GALNT17: variants seen among roughly 807,000 people sequenced by gnomAD.
GALNT17 encodes UDP-GalNAc:polypeptide N-acetylgalactosaminyltransferase-like 3.
In GALNT17, 29 loss-of-function variants were observed where a neutral mutation model predicts 63.7. The observed-to-expected ratio is 0.46, with a 90% CI of 0.34 to 0.62. The LOEUF is 0.62. Among genes scored for constraint, GALNT17 ranks in the 20% least tolerant of loss-of-function variants. The probability of loss-of-function intolerance (pLI) is 0.01; values close to 1 mark genes in which losing one functional copy is unlikely to be tolerated. For synonymous variants in GALNT17, 305 were observed against 318.3 expected, an observed-to-expected ratio of 0.96 and a Z score of 0.45; for missense variants, 603 against 799.6, an observed-to-expected ratio of 0.75 and a Z score of 2.97.
chr7:71,300,711 C>A (rs1791180179), intron 1 of GALNT17: 1 of 256,040 alleles, frequency 3.9e-6, no homozygotes, highest in Non-Finnish European at 7.8e-6. Flanking sequence ...AAAGGGATTT[C>A]CAGAATTCTA....
chr7:71,160,202 T>C (rs1788316436), intron 1 of GALNT17, among the ~76,000 whole-genome samples: 1 of 152,210 alleles, frequency 6.6e-6, no homozygotes, highest in Non-Finnish European at 1.5e-5. Context: ...TTTTGCTTCT[T>C]TTTATCCTGT....
chr7:71,319,971 C>A (rs1791574905), intron 1 of GALNT17, among the ~76,000 whole-genome samples: 1 of 152,146 alleles, frequency 6.6e-6, no homozygotes, highest in Non-Finnish European at 1.5e-5. Context: ...AGCAGCAATG[C>A]AAGCTCATTT....
At chr7:71,326,415 C>A (rs563890198) in intron 1 of GALNT17, among the ~76,000 whole-genome samples, 1 of 152,110 alleles carries the variant, frequency 6.6e-6, no homozygotes, top group Non-Finnish European at 1.5e-5. Context: ...GGTAAGATCA[C>A]CCCCACTACA....
intron 5 of GALNT17, among the ~76,000 whole-genome samples, chr7:71,522,084 C>T (rs1210807401): frequency 1.3e-5 from 2 of 152,058 alleles, no homozygotes; most frequent in African/African-American, 4.8e-5. Context: ...CCTAATGTTC[C>T]ATCTAATGCT....
intron 1 of GALNT17, among the ~76,000 whole-genome samples, chr7:71,285,415 G>A (rs546513147): frequency 1.8e-4 from 27 of 152,290 alleles, no homozygotes; most frequent in Admixed American, 1.4e-3. Flanking sequence ...TAGGATTGTT[G>A]TAAAATCTGG....
At chr7:71,537,699 G>A (rs899006453) in intron 5 of GALNT17, among the ~76,000 whole-genome samples, 1 of 152,156 alleles carries the variant, frequency 6.6e-6, no homozygotes, top group African/African-American at 2.4e-5. Flanking sequence ...TGTAGTCCCA[G>A]CTGCTCAGGA....
Position 71,677,301 on chromosome 7 carries a change from C to A in GALNT17, c.1495C>A (p.Pro499Thr). The A allele has an allele frequency of 6.2e-7, 1 of 1,613,638 alleles. No individual in the cohort carries two copies. The highest frequency in any genetic ancestry group is 8.5e-7 in the Non-Finnish European group (1 of 1,179,764). ...ATTGTATCCGTGCCATGGCTGGGGACCACAGGTAGGAGCTCGTCTCTGACC... is the reference window on the plus strand; with the variant it reads ...ATTGTATCCGTGCCATGGCTGGGGAACACAGGTAGGAGCTCGTCTCTGACC... Reference protein sequence around the residue: ...AILYPCHGWGPQLARYTKEGF... With the variant: ...AILYPCHGWGTQLARYTKEGF... Residue 499 changes from proline to threonine, a missense_variant, in exon 9 of 11, where the codon CCA becomes ACA. Pro to Thr is a conservative substitution (Grantham distance 38). Transcript: ENST00000333538.
At chr7:71,571,505 G>A in intron 6 of GALNT17, 103 bp downstream of exon 6, 1 of 913,366 alleles carries the variant, frequency 1.1e-6, no homozygotes, top group Non-Finnish European at 1.8e-6. Flanking sequence ...GCTGATGAAT[G>A]ACAGATTCAT....
intron 5 of GALNT17, among the ~76,000 whole-genome samples, chr7:71,536,118 G>A (rs887255778): frequency 6.6e-6 from 1 of 152,196 alleles, no homozygotes; most frequent in Non-Finnish European, 1.5e-5. Flanking sequence ...AAATATCAGT[G>A]ACTGTTCATA....
At chr7:71,302,076 C>G (rs1051009272) in intron 1 of GALNT17, among the ~76,000 whole-genome samples, 2 of 152,140 alleles carry the variant, frequency 1.3e-5, no homozygotes, top group Non-Finnish European at 2.9e-5. Context: ...GAGCCATTAT[C>G]CTCACCATAC....
chr7:71,688,326 G>C (rs1791392015), intron 9 of GALNT17, among the ~76,000 whole-genome samples: 1 of 152,054 alleles, frequency 6.6e-6, no homozygotes, highest in Non-Finnish European at 1.5e-5. Context: ...TTATTACTTT[G>C]GGTTGTTCGT....
chr7:71,283,630 A>G (rs1244157818), intron 1 of GALNT17, among the ~76,000 whole-genome samples: 2 of 152,074 alleles, frequency 1.3e-5, no homozygotes, highest in East Asian at 1.9e-4. Context: ...TAGTTTCTAT[A>G]TTCTCCACCT....
At chr7:71,407,973 T>G (rs2116408830) in intron 3 of GALNT17, among the ~76,000 whole-genome samples, 1 of 152,248 alleles carries the variant, frequency 6.6e-6, no homozygotes, top group South Asian at 2.1e-4. Context: ...GATGAAAAAG[T>G]TCTAGATAGT....
intron 3 of GALNT17, among the ~76,000 whole-genome samples, chr7:71,405,213 C>G (rs1793307617): frequency 6.6e-6 from 1 of 152,224 alleles, no homozygotes; most frequent in Non-Finnish European, 1.5e-5. Context: ...GATTTCACAA[C>G]ATCACATTCA....
chr7:71,379,414 G>A lies in GALNT17; in HGVS notation c.423-8821G>A, dbSNP rs150865747. Reference sequence around the variant, plus strand: ...GAGATCCTTTAAGTAGAGGAGTGACGTGATCATATGTACTCTAGAGAGGTC... The same window carrying A: ...GAGATCCTTTAAGTAGAGGAGTGACATGATCATATGTACTCTAGAGAGGTC... On this transcript the variant is annotated intron_variant, in intron 2 of 10. Coordinates refer to ENST00000333538, the MANE Select transcript of GALNT17 (RefSeq NM_022479.3). Among the ~76,000 whole-genome samples the A allele has an allele frequency of 2.6e-3, 389 of 152,172 alleles. 8 individuals carry two copies. The highest frequency in any genetic ancestry group is 1.5e-3 in the Non-Finnish European group (103 of 68,018).
At chr7:71,459,822 ATCTACTG>A (rs1175537688) in intron 5 of GALNT17, among the ~76,000 whole-genome samples, 2 of 152,216 alleles carry the variant, frequency 1.3e-5, no homozygotes, top group Non-Finnish European at 2.9e-5. Context: ...AACATTCGTC[ATCTACTG>A]TCTCTAAGGG....
chr7:71,294,381 T>C (rs1791038999), intron 1 of GALNT17, among the ~76,000 whole-genome samples: 1 of 151,726 alleles, frequency 6.6e-6, no homozygotes, highest in Admixed American at 6.6e-5. Context: ...ATATGCATAT[T>C]GTTTTGCTTG....
At chr7:71,156,619 TCCA>T (rs1252325485) in intron 1 of GALNT17, among the ~76,000 whole-genome samples, 16 of 150,378 alleles carry the variant, frequency 1.1e-4, no homozygotes, top group South Asian at 4.2e-4. Flanking sequence ...CCTTCCTTCC[TCCA>T]TTCTTTGCCT....
intron 2 of GALNT17, among the ~76,000 whole-genome samples, chr7:71,344,859 A>C (rs11979360): frequency 0.092 from 14,056 of 152,214 alleles, 1,482 homozygotes; most frequent in African/African-American, 0.25. Context: ...TGAGGCAACT[A>C]ATTGGAAATG....
Sources: allele counts gnomAD v4.1 joint callset (sites outside exome capture counted in the v4.1 genomes callset), GRCh38; gene constraint gnomAD v4.1.1; transcripts MANE v1.5; gene names NCBI Gene and HGNC (gene_info 2026-07-23, HGNC 2026-07-21).